STXBP5L: variants seen among roughly 807,000 people sequenced by gnomAD.
The protein encoded by STXBP5L is syntaxin binding protein 5L.
A neutral mutation model predicts 144.5 loss-of-function variants in STXBP5L; 65 were observed. The ratio of observed to expected loss-of-function variants is 0.45; its 90% CI spans 0.37 to 0.55. The LOEUF (loss-of-function observed/expected upper bound fraction) is 0.55, where lower values mean the gene tolerates loss of function less well. Ranked by LOEUF, STXBP5L falls within the 20% of genes least tolerant of loss-of-function variation. The pLI, the probability that STXBP5L is intolerant of heterozygous loss-of-function variation, is 0.00. For missense variants in STXBP5L, 1,298 were observed against 1,405.5 expected (o/e 0.92, Z 1.22); for synonymous variants, 505 against 469.6 (o/e 1.08, Z -0.97).
chr3:121,052,636 A>G (rs1235236552), intron 5 of STXBP5L, among the ~76,000 whole-genome samples: 4 of 152,212 alleles, frequency 2.6e-5, no homozygotes, highest in African/African-American at 7.2e-5. Flanking sequence ...CACAGTCAAT[A>G]TCATATTGAA....
rs575579318 is a variant in STXBP5L, at chr3:121,211,795, T to C, written c.956+5794T>C. Among the ~76,000 whole-genome samples, 5 of 152,110 alleles carry C rather than the reference T, an allele frequency of 3.3e-5. No individual in the cohort carries two copies. In the South Asian group the frequency reaches 1.0e-3, roughly 32 times the overall value. ...CAGGGTTACACCATGTTGGCCAGGA[T>C]GGTCTCCATCTCTTGACCTCGTGAT... On this transcript the variant is annotated intron_variant, in intron 10 of 26. Coordinates refer to ENST00000471454, the MANE Select transcript of STXBP5L (RefSeq NM_001308330.2).
intron 3 of STXBP5L, among the ~76,000 whole-genome samples, chr3:121,027,334 G>T (rs925768129): frequency 6.6e-6 from 1 of 152,008 alleles, no homozygotes; most frequent in African/African-American, 2.4e-5. Flanking sequence ...CACCCCCGTG[G>T]GATATCAGGG....
intron 6 of STXBP5L, among the ~76,000 whole-genome samples, chr3:121,117,074 C>T (rs997802887): frequency 2.6e-5 from 4 of 151,738 alleles, no homozygotes; most frequent in South Asian, 2.1e-4. Flanking sequence ...CAGATTACTA[C>T]GTGAACTAGT....
intron 14 of STXBP5L, among the ~76,000 whole-genome samples, chr3:121,248,907 C>A (rs1423185878): frequency 6.6e-6 from 1 of 151,860 alleles, no homozygotes; most frequent in Non-Finnish European, 1.5e-5. Context: ...ATAAGGAGTT[C>A]TTTCCCCATT....
At chr3:121,092,118 C>G (rs184053954) in intron 5 of STXBP5L, among the ~76,000 whole-genome samples, 1 of 152,156 alleles carries the variant, frequency 6.6e-6, no homozygotes, top group Middle Eastern at 3.4e-3. Context: ...GGGCTCTGTT[C>G]TATTGGTCTA....
At chr3:121,390,788 TC>T (rs1424781159) in intron 22 of STXBP5L, among the ~76,000 whole-genome samples, 1 of 152,132 alleles carries the variant, frequency 6.6e-6, no homozygotes, top group African/African-American at 2.4e-5. Flanking sequence ...TGTGGGTAAC[TC>T]AACCTTTCTC....
chr3:121,347,442 T>C (rs890058466), intron 20 of STXBP5L, among the ~76,000 whole-genome samples: 17 of 152,236 alleles, frequency 1.1e-4, no homozygotes, highest in African/African-American at 4.1e-4. Context: ...ACTTGTGGCC[T>C]CTTTTTTCAT....
intron 9 of STXBP5L, 28 bp downstream of exon 9, chr3:121,157,655 A>G: frequency 6.3e-7 from 1 of 1,580,640 alleles, no homozygotes; most frequent in South Asian, 1.2e-5. Flanking sequence ...AAAAGGAATA[A>G]ACACTGGCAA....
intron 16 of STXBP5L, 122 bp downstream of exon 16, chr3:121,255,234 T>C (rs561999492): frequency 3.2e-6 from 2 of 619,852 alleles, no homozygotes; most frequent in Non-Finnish European, 5.1e-6. Flanking sequence ...GTAATACAAT[T>C]CACAGGATTT....
At chr3:121,391,987 T>G (rs1263681312) in intron 22 of STXBP5L, among the ~76,000 whole-genome samples, 1 of 152,206 alleles carries the variant, frequency 6.6e-6, no homozygotes. Context: ...TGCTGCCTTT[T>G]TTTCAGCTAT....
intron 3 of STXBP5L, among the ~76,000 whole-genome samples, chr3:120,965,017 A>C (rs369618750): frequency 5.0e-4 from 76 of 152,190 alleles, no homozygotes; most frequent in African/African-American, 1.7e-3. Context: ...TCCCTTTACC[A>C]TTATGTAATG....
intron 19 of STXBP5L, among the ~76,000 whole-genome samples, chr3:121,304,347 TA>T (rs1451482280): frequency 1.3e-5 from 2 of 152,100 alleles, no homozygotes; most frequent in African/African-American, 4.8e-5. Flanking sequence ...GGTAAGATTA[TA>T]AAAAACTAAA....
At chr3:121,088,425 T>TA (rs2042605047) in intron 5 of STXBP5L, among the ~76,000 whole-genome samples, 1 of 114,736 alleles carries the variant, frequency 8.7e-6, no homozygotes, top group Non-Finnish European at 1.8e-5. Context: ...TGGCAATCAT[T>TA]AAAAAATCAG....
intron 2 of STXBP5L, among the ~76,000 whole-genome samples, chr3:120,921,328 T>A (rs890340405): frequency 5.3e-5 from 8 of 151,978 alleles, no homozygotes; most frequent in African/African-American, 1.9e-4. Flanking sequence ...ATTATTTATT[T>A]ATTTTTGCTA....
chr3:121,092,609 G>T (rs1018014857), intron 5 of STXBP5L, among the ~76,000 whole-genome samples: 3 of 152,104 alleles, frequency 2.0e-5, no homozygotes, highest in Non-Finnish European at 4.4e-5. Flanking sequence ...TGTGATTTTT[G>T]TACATTGATT....
chr3:121,187,457 T>G (rs897937381), intron 9 of STXBP5L, among the ~76,000 whole-genome samples: 3 of 151,524 alleles, frequency 2.0e-5, no homozygotes, highest in African/African-American at 7.3e-5. Flanking sequence ...CACCTAATGT[T>G]AAACGAAGAG....
At chr3:121,403,895 C>T (rs764728960) in intron 22 of STXBP5L, among the ~76,000 whole-genome samples, 1 of 152,122 alleles carries the variant, frequency 6.6e-6, no homozygotes, top group Non-Finnish European at 1.5e-5. Flanking sequence ...TTAGCTTGTT[C>T]CTCCTCCATT....
chr3:121,000,707 A>C (rs1207339001), intron 3 of STXBP5L, among the ~76,000 whole-genome samples: 1 of 152,254 alleles, frequency 6.6e-6, no homozygotes, highest in Non-Finnish European at 1.5e-5. Context: ...TACAGTTGCC[A>C]GAGGTCTTGC....
At chr3:121,001,440 A>T (rs1024298434) in intron 3 of STXBP5L, among the ~76,000 whole-genome samples, 1 of 152,220 alleles carries the variant, frequency 6.6e-6, no homozygotes, top group South Asian at 2.1e-4. Context: ...CAGTCAAAAA[A>T]TACCTAAGCC....
Sources: allele counts gnomAD v4.1 joint callset (sites outside exome capture counted in the v4.1 genomes callset), GRCh38; gene constraint gnomAD v4.1.1; transcripts MANE v1.5; gene names NCBI Gene and HGNC (gene_info 2026-07-23, HGNC 2026-07-21).